The following RIMS2 variants were observed in gnomAD, a reference collection of about 807,000 sequenced individuals.
RIMS2 encodes regulating synaptic membrane exocytosis protein 2.
In RIMS2, 59 loss-of-function variants were observed where a neutral mutation model predicts 174.4. That is an observed-to-expected ratio of 0.34 (90% CI 0.27 to 0.42). RIMS2 has a LOEUF of 0.42. RIMS2 is among the 10% of genes least tolerant of loss of function. RIMS2 has a pLI of 1.00. For missense variants in RIMS2, 1,620 were observed against 1,666.3 expected, an observed-to-expected ratio of 0.97 and a Z score of 0.48; for synonymous variants, 606 against 572.5, an observed-to-expected ratio of 1.06 and a Z score of -0.84.
chr8:103,590,852 C>G (rs1394148292), intron 1 of RIMS2, among the ~76,000 whole-genome samples: 2 of 150,860 alleles, frequency 1.3e-5, no homozygotes, highest in African/African-American at 4.8e-5. Context: ...ATTTGTGGTT[C>G]TTGTTGAAGT....
intron 19 of RIMS2, among the ~76,000 whole-genome samples, chr8:104,224,501 A>G (rs1237966869): frequency 1.3e-5 from 2 of 152,248 alleles, no homozygotes; most frequent in Non-Finnish European, 2.9e-5. Context: ...CAATTTGTCA[A>G]TCAAAATGAT....
At chr8:103,543,677 C>A (rs1411889797) in intron 1 of RIMS2, among the ~76,000 whole-genome samples, 1 of 152,062 alleles carries the variant, frequency 6.6e-6, no homozygotes, top group Non-Finnish European at 1.5e-5. Context: ...AATAGAGAGT[C>A]CAGAAATAAA....
chr8:103,627,547 G>T (rs891332686), intron 1 of RIMS2, among the ~76,000 whole-genome samples: 10 of 152,158 alleles, frequency 6.6e-5, no homozygotes, highest in Non-Finnish European at 5.9e-5. Context: ...TTCAGAGACT[G>T]CAGTAAAGAC....
At chr8:103,834,495 G>T (rs781466098) in intron 3 of RIMS2, among the ~76,000 whole-genome samples, 12 of 151,406 alleles carry the variant, frequency 7.9e-5, no homozygotes, top group Non-Finnish European at 1.5e-4. Flanking sequence ...ATGCCACTGT[G>T]CTCAGAAGAG....
rs938649080 is a variant in RIMS2, at chr8:103,915,044, A to T, written c.1813-451A>T. Among the ~76,000 whole-genome samples the T allele has an allele frequency of 3.3e-5, 5 of 152,102 alleles. No individual in the cohort carries two copies. In the East Asian group the frequency reaches 9.6e-4, roughly 29 times the overall value. ...AGAAAGATCCATCATCATTAAGCAC[A>T]TTATCAGTGTTTCTAAAAGATTATC... On this transcript the variant is annotated intron_variant, in intron 6 of 23. Coordinates refer to ENST00000504942, the Ensembl canonical transcript of RIMS2.
chr8:103,728,789 T>G (rs1262869926), intron 2 of RIMS2, among the ~76,000 whole-genome samples: 4 of 141,834 alleles, frequency 2.8e-5, no homozygotes, highest in Non-Finnish European at 6.1e-5. Flanking sequence ...CTTGAAGGAA[T>G]GGTGAATTTT....
chr8:104,155,138 G>A (rs969158870), intron 19 of RIMS2, among the ~76,000 whole-genome samples: 4 of 151,736 alleles, frequency 2.6e-5, no homozygotes, highest in African/African-American at 7.3e-5. Context: ...ATGGAGTCTC[G>A]CTCTGTCTCC....
chr8:103,856,989 T>G (rs1230310145), intron 3 of RIMS2, among the ~76,000 whole-genome samples: 5 of 152,084 alleles, frequency 3.3e-5, no homozygotes, highest in African/African-American at 4.8e-5. Context: ...TTCCAATAAG[T>G]TTAAGCTAAG....
intron 14 of RIMS2, among the ~76,000 whole-genome samples, chr8:103,952,049 G>A (rs943462217): frequency 2.6e-5 from 4 of 152,090 alleles, no homozygotes; most frequent in East Asian, 3.9e-4. Flanking sequence ...GACTGCCTCC[G>A]CAGATTCCCT....
intron 19 of RIMS2, among the ~76,000 whole-genome samples, chr8:104,202,016 G>A (rs1330107482): frequency 2.0e-5 from 3 of 152,106 alleles, no homozygotes; most frequent in Admixed American, 2.0e-4. Flanking sequence ...AGATAAAATA[G>A]CGTCCTTAGA....
At chr8:103,793,887 A>G (rs1351082605) in intron 3 of RIMS2, among the ~76,000 whole-genome samples, 1 of 152,164 alleles carries the variant, frequency 6.6e-6, no homozygotes, top group Non-Finnish European at 1.5e-5. Context: ...GATGTGAAGG[A>G]CCTCTTCAAG....
intron 3 of RIMS2, among the ~76,000 whole-genome samples, chr8:103,841,943 A>G (rs1407397188): frequency 6.6e-6 from 1 of 152,020 alleles, no homozygotes; most frequent in East Asian, 1.9e-4. Context: ...CGACAAAGCG[A>G]GACTCCGTCT....
At chr8:103,589,727 C>T (rs746561975) in intron 1 of RIMS2, among the ~76,000 whole-genome samples, 4 of 151,334 alleles carry the variant, frequency 2.6e-5, no homozygotes, top group Admixed American at 6.6e-5. Flanking sequence ...GATATATATG[C>T]AAAATGGAAT....
intron 4 of RIMS2, among the ~76,000 whole-genome samples, chr8:103,895,778 C>A (rs971876679): frequency 6.6e-6 from 1 of 151,152 alleles, no homozygotes; most frequent in Non-Finnish European, 1.5e-5. Flanking sequence ...TTTCTTTTTT[C>A]TTTTCCTTTT....
At chr8:103,557,277 T>C (rs1240654267) in intron 1 of RIMS2, among the ~76,000 whole-genome samples, 1 of 152,162 alleles carries the variant, frequency 6.6e-6, no homozygotes. Context: ...AACTACCTTA[T>C]CTTAACACTG....
intron 19 of RIMS2, among the ~76,000 whole-genome samples, chr8:104,237,070 G>T (rs1404940864): frequency 6.6e-6 from 1 of 151,918 alleles, no homozygotes; most frequent in Non-Finnish European, 1.5e-5. Flanking sequence ...GTTTTAAATG[G>T]GAATCTGAAT....
At chr8:103,712,728 A>C (rs2097322221) in intron 2 of RIMS2, among the ~76,000 whole-genome samples, 1 of 152,188 alleles carries the variant, frequency 6.6e-6, no homozygotes, top group African/African-American at 2.4e-5. Flanking sequence ...CAGAAACACA[A>C]AGGAAATGGA....
At chr8:103,833,835 T>TATCTCAC (rs1329289498) in intron 3 of RIMS2, among the ~76,000 whole-genome samples, 2 of 152,198 alleles carry the variant, frequency 1.3e-5, no homozygotes, top group African/African-American at 4.8e-5. Flanking sequence ...CTGGGTTTGT[T>TATCTCAC]ATCTCACAGT....
chr8:104,092,278 A>C (rs1457830596), intron 19 of RIMS2, among the ~76,000 whole-genome samples: 1 of 151,954 alleles, frequency 6.6e-6, no homozygotes, highest in East Asian at 1.9e-4. Context: ...TCTTTAAGAC[A>C]TAGCAAGTGG....
Sources: gnomAD v4.1 joint callset for allele counts (sites outside exome capture counted in the v4.1 genomes callset) on GRCh38, gnomAD v4.1.1 for gene constraint, MANE v1.5 for transcripts, NCBI Gene and HGNC (gene_info 2026-07-23, HGNC 2026-07-21) for gene names.